UBE2E2: variants seen among roughly 807,000 people sequenced by gnomAD.
The protein encoded by UBE2E2 is ubiquitin-conjugating enzyme E2 E2.
In UBE2E2, 6 loss-of-function variants were observed where a neutral mutation model predicts 24.7. That is an observed-to-expected ratio of 0.24 (90% CI 0.13 to 0.48). The LOEUF (loss-of-function observed/expected upper bound fraction) is 0.48. Ranked by LOEUF, UBE2E2 falls within the 20% of genes least tolerant of loss-of-function variation. UBE2E2 has a pLI of 0.99. For synonymous variants in UBE2E2, 104 were observed against 83.6 expected (o/e 1.24, Z -1.33); for missense variants, 169 against 245.0 (o/e 0.69, Z 2.07).
At chr3:23,336,651 T>G (rs1445623884) in intron 3 of UBE2E2, among the ~76,000 whole-genome samples, 2 of 152,240 alleles carry the variant, frequency 1.3e-5, no homozygotes, top group African/African-American at 4.8e-5. Flanking sequence ...ATATTGCGTA[T>G]CTCAAAGCAG....
intron 3 of UBE2E2, among the ~76,000 whole-genome samples, chr3:23,480,652 G>C (rs1699240041): frequency 6.6e-6 from 1 of 150,512 alleles, no homozygotes; most frequent in Non-Finnish European, 1.5e-5. Flanking sequence ...AAAAAGAAGA[G>C]GATTCAGAGA....
intron 3 of UBE2E2, among the ~76,000 whole-genome samples, chr3:23,412,968 G>A (rs1224508124): frequency 6.8e-6 from 1 of 147,348 alleles, no homozygotes; most frequent in African/African-American, 2.5e-5. Context: ...ACCTAAAGAA[G>A]TATTGTGTCA....
chr3:23,271,690 C>T (rs746652148), intron 3 of UBE2E2, among the ~76,000 whole-genome samples: 15 of 152,118 alleles, frequency 9.9e-5, no homozygotes, highest in Non-Finnish European at 2.1e-4. Flanking sequence ...TGTAAAAGTT[C>T]TCCAAGTCCT....
At chr3:23,346,534 A>G (rs1183013936) in intron 3 of UBE2E2, among the ~76,000 whole-genome samples, 2 of 152,218 alleles carry the variant, frequency 1.3e-5, no homozygotes, top group Non-Finnish European at 2.9e-5. Flanking sequence ...TAAAAGCTAC[A>G]CAAAAATTCA....
intron 3 of UBE2E2, among the ~76,000 whole-genome samples, chr3:23,225,775 A>C (rs1462929448): frequency 6.6e-6 from 1 of 152,192 alleles, no homozygotes; most frequent in Non-Finnish European, 1.5e-5. Flanking sequence ...TCATTAGGTA[A>C]GGCATTCCCA....
At chr3:23,345,915 C>A (rs1236120173) in intron 3 of UBE2E2, among the ~76,000 whole-genome samples, 1 of 152,076 alleles carries the variant, frequency 6.6e-6, no homozygotes, top group Non-Finnish European at 1.5e-5. Flanking sequence ...TAAACTGACA[C>A]CACACTGTAG....
chr3:23,387,300 T>A (rs773947974), intron 3 of UBE2E2, among the ~76,000 whole-genome samples: 6 of 152,206 alleles, frequency 3.9e-5, no homozygotes, highest in Non-Finnish European at 5.9e-5. Flanking sequence ...TTTCTTTGTA[T>A]TTATTCTTTA....
intron 1 of UBE2E2, chr3:23,204,706 A>G: frequency 2.0e-6 from 2 of 985,396 alleles, no homozygotes; most frequent in Non-Finnish European, 2.4e-6. Context: ...CCCCCAAATC[A>G]GGTGTTCCAC....
intron 3 of UBE2E2, among the ~76,000 whole-genome samples, chr3:23,298,977 G>A (rs1478546028): frequency 2.6e-5 from 4 of 152,130 alleles, no homozygotes; most frequent in Admixed American, 2.6e-4. Context: ...CCTGTTATTG[G>A]TCTACTCAGA....
At chr3:23,453,917 C>T (rs997201224) in intron 3 of UBE2E2, among the ~76,000 whole-genome samples, 2 of 152,116 alleles carry the variant, frequency 1.3e-5, no homozygotes, top group Admixed American at 6.5e-5. Flanking sequence ...AGAAGATACA[C>T]GTCTAGTAGT....
chr3:23,230,932 G>C (rs1272812725), intron 3 of UBE2E2, among the ~76,000 whole-genome samples: 1 of 152,120 alleles, frequency 6.6e-6, no homozygotes. Context: ...AACTAGCGCT[G>C]CTCTGTTAAA....
At chr3:23,415,392 C>T (rs370472978) in intron 3 of UBE2E2, among the ~76,000 whole-genome samples, 4 of 152,156 alleles carry the variant, frequency 2.6e-5, no homozygotes, top group African/African-American at 7.2e-5. Context: ...TCTGATCCAT[C>T]AGTGGGTTGT....
At position 23,508,969 on chromosome 3, in the gene UBE2E2, A is replaced by G. The variant is rs116790587; in HGVS notation, c.360+9229A>G. Among the ~76,000 whole-genome samples, 982 of 152,360 alleles carry G rather than the reference A, an allele frequency of 6.4e-3. 4 individuals are homozygous for G. Among genetic ancestry groups the G allele is most frequent in the Middle Eastern group, 0.024 (7 of 294 alleles). On this transcript the variant is annotated intron_variant, in intron 4 of 5. Coordinates refer to ENST00000396703, the MANE Select transcript of UBE2E2 (RefSeq NM_152653.4). ...GTGACTTTTCTAAGGAAAGATTCAC[A>G]GATGACACAAGTGATACCCTCCCCT...
chr3:23,456,180 A>G (rs932516196), intron 3 of UBE2E2, among the ~76,000 whole-genome samples: 4 of 152,206 alleles, frequency 2.6e-5, no homozygotes, highest in African/African-American at 9.6e-5. Flanking sequence ...GCAAATCAAT[A>G]TCTTTAGGCT....
intron 3 of UBE2E2, among the ~76,000 whole-genome samples, chr3:23,437,659 G>A (rs1698213809): frequency 6.6e-6 from 1 of 152,194 alleles, no homozygotes; most frequent in Non-Finnish European, 1.5e-5. Context: ...CCTTGTGACA[G>A]TAGAATCGAA....
chr3:23,272,654 C>T (rs1010225828), intron 3 of UBE2E2, among the ~76,000 whole-genome samples: 1 of 152,038 alleles, frequency 6.6e-6, no homozygotes, highest in East Asian at 1.9e-4. Flanking sequence ...AATAGACTAT[C>T]TATCTATCTA....
chr3:23,463,267 T>C (rs1362974789), intron 3 of UBE2E2, among the ~76,000 whole-genome samples: 2 of 151,898 alleles, frequency 1.3e-5, no homozygotes, highest in African/African-American at 2.4e-5. Flanking sequence ...AACAATAAGG[T>C]GGGAATGATT....
intron 3 of UBE2E2, among the ~76,000 whole-genome samples, chr3:23,289,169 A>G (rs977609711): frequency 3.3e-5 from 5 of 152,212 alleles, no homozygotes; most frequent in Non-Finnish European, 7.3e-5. Flanking sequence ...TTCAGTGGGT[A>G]CCTGTGATTT....
chr3:23,543,975 T>C (rs1174754487), intron 5 of UBE2E2, among the ~76,000 whole-genome samples: 2 of 152,178 alleles, frequency 1.3e-5, no homozygotes, highest in Non-Finnish European at 2.9e-5. Context: ...GGACACCCTA[T>C]TCAACAAATG....
Sources: gnomAD v4.1 joint callset for allele counts (sites outside exome capture counted in the v4.1 genomes callset) on GRCh38, gnomAD v4.1.1 for gene constraint, MANE v1.5 for transcripts, NCBI Gene and HGNC (gene_info 2026-07-23, HGNC 2026-07-21) for gene names.